Variants in HAGH observed in about 807,000 individuals in gnomAD.
The protein encoded by HAGH is hydroxyacylglutathione hydrolase.
Under a neutral mutation model 35.1 loss-of-function variants are expected in HAGH, and 29 were observed. The ratio of observed to expected loss-of-function variants is 0.83; its 90% CI spans 0.62 to 1.13. The LOEUF is 1.13. HAGH is among the 50% of genes most tolerant of loss of function. The pLI, the probability that HAGH is intolerant of heterozygous loss-of-function variation, is 0.00. For missense variants in HAGH, 478 were observed against 419.6 expected (o/e 1.14, Z -1.22); for synonymous variants, 225 against 176.1 (o/e 1.28, Z -2.20).
chr16:1,819,213 A>G lies in HAGH; in HGVS notation c.443T>C (p.Leu148Pro), dbSNP rs765114747. 1 of 1,608,402 alleles carries G rather than the reference A, an allele frequency of 6.2e-7. No homozygotes were observed. Among genetic ancestry groups the G allele is most frequent in the East Asian group, 2.2e-5 (1 of 44,826 alleles). ...THLSTLQVGS[L>P]NVKCLATPCH... ...CGGGGTCGCCAGGCACTTGACGTTC[A>G]GAGACCCCACCTTCAACAAAGCAGG... Residue 148 changes from leucine (L) to proline (P), a missense_variant, in exon 5 of 9, where the codon CTG (leucine) becomes CCG (proline). Coordinates refer to ENST00000397356, the MANE Select transcript of HAGH (RefSeq NM_005326.6).
chr16:1,809,333 T>C lies in HAGH; in HGVS notation c.877A>G (p.Met293Val), dbSNP rs1202449876. Residue 293 changes from methionine to valine, a missense_variant, in exon 9 of 9, where the codon ATG (methionine) becomes GTG (valine). Met to Val is a conservative substitution (Grantham distance 21). Coordinates refer to ENST00000397356, the MANE Select transcript of HAGH (RefSeq NM_005326.6). ...TCCTTCTCCCTGCGCACGGCCCGCATGGTGGTCACCGGGTCCGTCTCACCT... is the reference window on the plus strand; with the variant it reads ...TCCTTCTCCCTGCGCACGGCCCGCACGGTGGTCACCGGGTCCGTCTCACCT... ...HAGETDPVTT[M>V]RAVRREKDQF... 2 of 1,613,772 alleles carry C rather than the reference T, an allele frequency of 1.2e-6. No homozygotes were observed. Among genetic ancestry groups the C allele is most frequent in the Admixed American group, 1.7e-5 (1 of 60,022 alleles).
At chr16:1,820,300 C>T (rs1378384895) in intron 3 of HAGH, among the ~76,000 whole-genome samples, 2 of 139,200 alleles carry the variant, frequency 1.4e-5, no homozygotes. Flanking sequence ...GGGTCTGGGG[C>T]GTGGCCTGGG....
Position 1,816,481 on chromosome 16 carries a change from C to T in HAGH, c.747+412G>A, listed in dbSNP as rs80356127. ...CGGGGAAACACACCCCTGGAGAACC[C>T]CGTCCTGCTCCTGGCAGACTTTGGC... is the stretch of plus-strand genomic sequence containing the variant. On this transcript the variant is annotated intron_variant, in intron 7 of 8. Coordinates refer to ENST00000397356, the MANE Select transcript of HAGH (RefSeq NM_005326.6). 7.9e-5 allele frequency among the ~76,000 whole-genome samples: 12 copies of T among 152,286 alleles called. No individual in the cohort carries two copies. The East Asian group carries it at 2.3e-3, about 30-fold the overall frequency.
Position 1,809,378 on chromosome 16 carries a change from T to C in HAGH, c.832A>G (p.Lys278Glu). The C allele has an allele frequency of 6.2e-7, 1 of 1,609,614 alleles. No homozygotes were observed. The highest frequency in any genetic ancestry group is 1.1e-5 in the South Asian group (1 of 91,046). ...TCACCTGCGTGCTGCTGCACCGTCT[T>C]CTCCCTGCGGAGGCCAGCACCGGGC... ...TYNPFMRVREKTVQQHAGETD... is the reference protein window; with the variant it reads ...TYNPFMRVREETVQQHAGETD... Residue 278 changes from lysine (K) to glutamate (E), a missense_variant, in exon 9 of 9, where the codon AAG (lysine) becomes GAG (glutamate). Physicochemically the swap from Lys to Glu is moderately conservative, Grantham distance 56. Transcript: ENST00000397356.
chr16:1,820,555 G>A, intron 3 of HAGH, among the ~76,000 whole-genome samples: 1 of 152,192 alleles, frequency 6.6e-6, no homozygotes, highest in Non-Finnish European at 1.5e-5. Flanking sequence ...CCTGTCTGCA[G>A]GGGAGGCCAG....
chr16:1,826,490 G>A (rs1231863803), intron 1 of HAGH: 2 of 923,958 alleles, frequency 2.2e-6, no homozygotes, highest in African/African-American at 1.9e-5. Flanking sequence ...GGCGGACGCA[G>A]GCCTGGCCCT....
chr16:1,822,826 G>C (rs1274181998), intron 2 of HAGH, 39 bp downstream of exon 2: 1 of 1,584,456 alleles, frequency 6.3e-7, no homozygotes, highest in South Asian at 1.1e-5. Context: ...TCCGAGCTGG[G>C]TGACCAGGGC....
chr16:1,809,350 G>A lies in HAGH; in HGVS notation c.860C>T (p.Thr287Met), dbSNP rs140899100. ...GGCCCGCATGGTGGTCACCGGGTCC[G>A]TCTCACCTGCGTGCTGCTGCACCGT... is the stretch of plus-strand genomic sequence containing the variant. ...EKTVQQHAGETDPVTTMRAVR... is the reference protein window; with the variant it reads ...EKTVQQHAGEMDPVTTMRAVR... The change falls in exon 9 of 9, where the codon ACG becomes ATG. Residue 287 changes from threonine to methionine, a missense_variant. By Grantham distance (81) the Thr-to-Met change is moderately conservative. Transcript: ENST00000397356. 53 of 1,613,060 alleles carry A rather than the reference G, an allele frequency of 3.3e-5. No homozygotes were observed. The Middle Eastern group carries it at 9.9e-4, about 30-fold the overall frequency.
At chr16:1,822,038 G>T in intron 3 of HAGH, 1 of 424,050 alleles carries the variant, frequency 2.4e-6, no homozygotes, top group Non-Finnish European at 4.3e-6. Context: ...AAACCCGCAT[G>T]GCCCAGGAGA....
chr16:1,819,686 A>G, intron 4 of HAGH: 1 of 601,676 alleles, frequency 1.7e-6, no homozygotes, highest in South Asian at 1.9e-5. Flanking sequence ...AGGGTCTCAG[A>G]GCCCTGCTTC....
chr16:1,815,422 A>T (rs568511199), intron 7 of HAGH, among the ~76,000 whole-genome samples: 9 of 152,370 alleles, frequency 5.9e-5, no homozygotes, highest in Admixed American at 1.3e-4. Flanking sequence ...GGAAACAGAC[A>T]AATGCATAAA....
chr16:1,824,229 A>AC (rs1472188179), intron 1 of HAGH, among the ~76,000 whole-genome samples: 2 of 151,684 alleles, frequency 1.3e-5, no homozygotes, highest in East Asian at 3.8e-4. Flanking sequence ...CAAAAAAAAA[A>AC]AAAAACAAAC....
Position 1,823,017 on chromosome 16 carries a change from A to G in HAGH, c.97T>C (p.Phe33Leu). Residue 33 changes from phenylalanine to leucine, a missense_variant, in exon 2 of 9, where the codon TTC (phenylalanine) becomes CTC (leucine). Transcript: ENST00000397356. ...RGLGPALLGV[F>L]CHTDLRKNLT... is the part of the protein sequence containing the mutation. Reference sequence around the variant, plus strand: ...TTCTTCCGCAAATCTGTGTGGCAGAAAACTCCCAGCAGGGCTGGACCTGCA... The same window carrying G: ...TTCTTCCGCAAATCTGTGTGGCAGAGAACTCCCAGCAGGGCTGGACCTGCA... 4 of 1,613,828 alleles carry G rather than the reference A, an allele frequency of 2.5e-6. No homozygotes were observed. Among genetic ancestry groups the G allele is most frequent in the Non-Finnish European group, 3.4e-6 (4 of 1,180,024 alleles).
upstream of HAGH, chr16:1,827,097 C>T (rs1898477300): frequency 1.6e-6 from 2 of 1,286,440 alleles, no homozygotes; most frequent in East Asian, 5.1e-5. Flanking sequence ...GCCACGCCGC[C>T]CGGGTACCCG....
At chr16:1,819,835 AC>A (rs1231820360) in intron 4 of HAGH, 61 bp downstream of exon 4, 9 of 993,480 alleles carry the variant, frequency 9.1e-6, no homozygotes, top group South Asian at 1.3e-5. Flanking sequence ...GCGGGGAGGG[AC>A]CCCCCTCCCC....
In HAGH at chr16:1,822,945, G is replaced by C; in HGVS notation, c.169C>G (p.Leu57Val). The change falls in exon 2 of 9, where the codon CTG becomes GTG. Residue 57 changes from leucine to valine, a missense_variant. Leu to Val is a conservative substitution (Grantham distance 32). Transcript: ENST00000397356. Reference protein sequence around the residue: ...GTMKVEVLPALTDNYMYLVID... With the variant: ...GTMKVEVLPAVTDNYMYLVID... ...ACCAGGTACATGTAGTTGTCGGTCA[G>C]GGCAGGCAGCACCTCTACCTTCATG... The C allele has an allele frequency of 6.2e-7, 1 of 1,613,738 alleles. No homozygotes were observed. The highest frequency in any genetic ancestry group is 2.2e-5 in the East Asian group (1 of 44,874).
intron 1 of HAGH, among the ~76,000 whole-genome samples, chr16:1,825,298 A>C (rs1898349213): frequency 6.6e-6 from 1 of 152,118 alleles, no homozygotes; most frequent in Non-Finnish European, 1.5e-5. Flanking sequence ...CAGGCGAAGA[A>C]AATGTCATTT....
At chr16:1,809,432 G>A (rs745675404) in intron 8 of HAGH, 50 bp from the exon 9 acceptor site, 32 of 1,433,666 alleles carry the variant, frequency 2.2e-5, no homozygotes, top group African/African-American at 2.8e-5. Context: ...ACGCCCACCG[G>A]AGGAGCCAGG....
chr16:1,813,199 G>C (rs991845707), intron 7 of HAGH, among the ~76,000 whole-genome samples: 4 of 152,176 alleles, frequency 2.6e-5, no homozygotes, highest in Admixed American at 2.6e-4. Context: ...AGTTCCCACA[G>C]GATCTGGTTG....
Sources: gnomAD v4.1 joint callset for allele counts (sites outside exome capture counted in the v4.1 genomes callset) on GRCh38, gnomAD v4.1.1 for gene constraint, MANE v1.5 for transcripts, NCBI Gene and HGNC (gene_info 2026-07-23, HGNC 2026-07-21) for gene names.